Variants in NEGR1 observed in about 807,000 individuals in gnomAD.
NEGR1 encodes neuronal growth regulator 1.
Under a neutral mutation model 40.9 loss-of-function variants are expected in NEGR1, and 10 were observed. The ratio of observed to expected loss-of-function variants is 0.24; its 90% confidence interval spans 0.15 to 0.42. The LOEUF (loss-of-function observed/expected upper bound fraction) is 0.42, where lower values mean the gene tolerates loss of function less well. Among genes scored for constraint, NEGR1 ranks in the 10% least tolerant of loss-of-function variants. The pLI, the probability that NEGR1 is intolerant of heterozygous loss-of-function variation, is 1.00. For missense variants in NEGR1, 352 were observed against 438.9 expected, an observed-to-expected ratio of 0.80 and a Z score of 1.77; for synonymous variants, 185 against 166.8, an observed-to-expected ratio of 1.11 and a Z score of -0.84.
intron 4 of NEGR1, among the ~76,000 whole-genome samples, chr1:71,664,145 C>T (rs1652161791): frequency 6.6e-6 from 1 of 152,144 alleles, no homozygotes; most frequent in African/African-American, 2.4e-5. Flanking sequence ...ATGGCAGTTT[C>T]AAACCCTACT....
chr1:71,424,206 A>G (rs7540459), intron 6 of NEGR1, among the ~76,000 whole-genome samples: 3,108 of 152,300 alleles, frequency 0.02, 109 homozygotes, highest in African/African-American at 0.07. Flanking sequence ...GTTAAGTGTA[A>G]TGACCCAAAA....
At chr1:71,482,879 C>A (rs1222428274) in intron 6 of NEGR1, among the ~76,000 whole-genome samples, 1 of 151,724 alleles carries the variant, frequency 6.6e-6, no homozygotes, top group African/African-American at 2.4e-5. Flanking sequence ...GGATGAAGCA[C>A]TAACGATGAA....
intron 1 of NEGR1, among the ~76,000 whole-genome samples, chr1:72,135,375 C>CA (rs71074819): frequency 7.4e-4 from 53 of 71,370 alleles, no homozygotes; most frequent in African/African-American, 1.7e-3. Context: ...GACTCCGTCT[C>CA]AAAAAAAAAA....
intron 1 of NEGR1, among the ~76,000 whole-genome samples, chr1:72,231,274 G>A (rs374016313): frequency 1.2e-4 from 18 of 152,240 alleles, no homozygotes; most frequent in African/African-American, 4.1e-4. Context: ...TCTGTGAAAT[G>A]ATTTTTCCTC....
intron 6 of NEGR1, among the ~76,000 whole-genome samples, chr1:71,541,252 A>G (rs1168915618): frequency 6.6e-6 from 1 of 151,792 alleles, no homozygotes; most frequent in African/African-American, 2.4e-5. Context: ...GAGATCTAGC[A>G]CAGTGACTGG....
At chr1:72,178,233 G>A (rs1401874417) in intron 1 of NEGR1, among the ~76,000 whole-genome samples, 2 of 151,302 alleles carry the variant, frequency 1.3e-5, no homozygotes, top group Non-Finnish European at 2.9e-5. Context: ...TTATTTTATT[G>A]ACAGTTAATT....
intron 6 of NEGR1, among the ~76,000 whole-genome samples, chr1:71,451,059 G>A (rs1646624165): frequency 6.6e-6 from 1 of 152,128 alleles, no homozygotes; most frequent in Admixed American, 6.6e-5. Flanking sequence ...CTCTCCTCCA[G>A]ACTAGTAATC....
intron 1 of NEGR1, among the ~76,000 whole-genome samples, chr1:72,006,691 T>C (rs1646609753): frequency 6.6e-6 from 1 of 151,700 alleles, no homozygotes; most frequent in African/African-American, 2.4e-5. Flanking sequence ...AAAATAAGAA[T>C]ACCAGCAAAC....
At chr1:71,683,987 G>A (rs1255915162) in intron 4 of NEGR1, among the ~76,000 whole-genome samples, 4 of 151,978 alleles carry the variant, frequency 2.6e-5, no homozygotes, top group Non-Finnish European at 5.9e-5. Flanking sequence ...TTTAAAATGC[G>A]GGGCTGAGTG....
intron 4 of NEGR1, among the ~76,000 whole-genome samples, chr1:71,651,846 T>C (rs1651727594): frequency 6.6e-6 from 1 of 152,184 alleles, no homozygotes; most frequent in African/African-American, 2.4e-5. Flanking sequence ...TATTGAATCC[T>C]TACAATTTTA....
At chr1:72,157,120 G>T (rs898231763) in intron 1 of NEGR1, among the ~76,000 whole-genome samples, 1 of 151,960 alleles carries the variant, frequency 6.6e-6, no homozygotes, top group African/African-American at 2.4e-5. Context: ...ATGCCACCTT[G>T]TCTGGCTATG....
intron 6 of NEGR1, among the ~76,000 whole-genome samples, chr1:71,497,669 T>G (rs1236397215): frequency 1.3e-5 from 2 of 151,670 alleles, no homozygotes; most frequent in African/African-American, 2.4e-5. Context: ...GATGAAAAAA[T>G]GCACAGTTGC....
chr1:71,752,600 G>T (rs1043570183), intron 3 of NEGR1, among the ~76,000 whole-genome samples: 1 of 152,068 alleles, frequency 6.6e-6, no homozygotes, highest in Non-Finnish European at 1.5e-5. Flanking sequence ...TGAAATAATG[G>T]TGAGAGCAGA....
At chr1:72,140,860 T>C (rs1292753995) in intron 1 of NEGR1, among the ~76,000 whole-genome samples, 2 of 151,994 alleles carry the variant, frequency 1.3e-5, no homozygotes, top group African/African-American at 4.8e-5. Context: ...CATTCACTCA[T>C]TCAGGATTAC....
intron 2 of NEGR1, among the ~76,000 whole-genome samples, chr1:71,797,898 A>T (rs1657398957): frequency 6.6e-6 from 1 of 151,780 alleles, no homozygotes. Flanking sequence ...GAAAAAACAG[A>T]GTTTATATTG....
At chr1:71,983,833 G>C (rs77596701) in intron 1 of NEGR1, among the ~76,000 whole-genome samples, 2,787 of 152,168 alleles carry the variant, frequency 0.018, 85 homozygotes, top group African/African-American at 0.064. Flanking sequence ...ATTTGTAATT[G>C]ATTAACTTAT....
intron 6 of NEGR1, among the ~76,000 whole-genome samples, chr1:71,568,104 C>T (rs895393242): frequency 1.3e-5 from 2 of 152,144 alleles, no homozygotes; most frequent in South Asian, 4.1e-4. Context: ...AGCATTACTC[C>T]CATCTATTCA....
At chr1:72,042,190 G>A (rs1200975355) in intron 1 of NEGR1, among the ~76,000 whole-genome samples, 1 of 151,656 alleles carries the variant, frequency 6.6e-6, no homozygotes, top group Non-Finnish European at 1.5e-5. Context: ...AACAGCAGGT[G>A]GAGGCAAGGT....
chr1:71,567,809 G>T (rs944294699), intron 6 of NEGR1, among the ~76,000 whole-genome samples: 1 of 151,086 alleles, frequency 6.6e-6, no homozygotes, highest in Non-Finnish European at 1.5e-5. Flanking sequence ...AGGCCATGAG[G>T]GTGGAGCTGT....
Sources: gnomAD v4.1 joint callset for allele counts (sites outside exome capture counted in the v4.1 genomes callset) on GRCh38, gnomAD v4.1.1 for gene constraint, MANE v1.5 for transcripts, NCBI Gene and HGNC (gene_info 2026-07-23, HGNC 2026-07-21) for gene names.